The following MBOAT4 variants were observed in gnomAD, a reference collection of about 807,000 sequenced individuals.
MBOAT4 encodes membrane-bound ghrelin O-acyltransferase MBOAT4.
A neutral mutation model predicts 13.2 loss-of-function variants in MBOAT4; 11 were observed. The observed-to-expected ratio is 0.84, with a 90% CI of 0.53 to 1.38. The LOEUF is 1.38. Ranked by LOEUF, MBOAT4 falls within the 40% of genes most tolerant of loss-of-function variation. The pLI is 0.00. For synonymous variants in MBOAT4, 202 were observed against 210.3 expected (o/e 0.96, Z 0.34); for missense variants, 481 against 527.2 (o/e 0.91, Z 0.86).
intron 2 of MBOAT4, chr8:30,138,091 G>A (rs762264326): frequency 3.0e-4 from 50 of 169,334 alleles, no homozygotes; most frequent in Non-Finnish European, 4.9e-4. Flanking sequence ...CCAACCAAGC[G>A]GCACTGTCAA....
At chr8:30,137,153 G>A in intron 2 of MBOAT4, 3 of 792,196 alleles carry the variant, frequency 3.8e-6, no homozygotes, top group Non-Finnish European at 6.2e-6. Context: ...TCACCAGAGA[G>A]AGCCAGGAAC....
intron 1 of MBOAT4, among the ~76,000 whole-genome samples, chr8:30,140,362 A>G (rs542660334): frequency 6.6e-6 from 1 of 152,214 alleles, no homozygotes; most frequent in South Asian, 2.1e-4. Flanking sequence ...TGCTGGGGTT[A>G]CAGGCATAAG....
At position 30,132,420 on chromosome 8, in the gene MBOAT4, C is replaced by T; in HGVS notation, c.831G>A (p.Gln277=). 1 of 1,551,746 alleles carries T rather than the reference C, an allele frequency of 6.4e-7. No individual in the cohort carries two copies. The highest frequency in any genetic ancestry group is 1.2e-5 in the South Asian group (1 of 84,062). The change falls in exon 3 of 3, where the codon CAG becomes CAA. Residue 277 remains glutamine, a synonymous_variant. Transcript: ENST00000320542. ...GGACATATCCCTCCTCTCCAGGGCTCTGACCAAGCTCAGGCCCAAAGCCCG... is the reference window on the plus strand; with the variant it reads ...GGACATATCCCTCCTCTCCAGGGCTTTGACCAAGCTCAGGCCCAAAGCCCG... The part of the protein sequence containing the change: ...HAAGFGPELG[Q]SPGEEGYVPD...
At chr8:30,135,865 G>A (rs1415823895) in intron 2 of MBOAT4, among the ~76,000 whole-genome samples, 1 of 148,408 alleles carries the variant, frequency 6.7e-6, no homozygotes, top group African/African-American at 2.5e-5. Context: ...AGTGAGCCAT[G>A]AGCATGCCAC....
chr8:30,139,575 A>G (rs972845923), intron 1 of MBOAT4, among the ~76,000 whole-genome samples: 1 of 152,222 alleles, frequency 6.6e-6, no homozygotes, highest in Non-Finnish European at 1.5e-5. Flanking sequence ...GAAAACTCAG[A>G]AAAATCTTTA....
intron 2 of MBOAT4, among the ~76,000 whole-genome samples, chr8:30,136,521 C>G (rs1803143827): frequency 6.6e-6 from 1 of 152,156 alleles, no homozygotes; most frequent in Non-Finnish European, 1.5e-5. Flanking sequence ...AGCAGAGCCC[C>G]CCATTCCAGG....
chr8:30,133,029 T>G, intron 2 of MBOAT4, 123 bp from the exon 3 acceptor site: 1 of 806,940 alleles, frequency 1.2e-6, no homozygotes. Flanking sequence ...ATTAATCTCA[T>G]GGCCTGCAGG....
chr8:30,143,642 A>G (rs1303393724), intron 1 of MBOAT4, among the ~76,000 whole-genome samples: 1 of 152,178 alleles, frequency 6.6e-6, no homozygotes, highest in African/African-American at 2.4e-5. Context: ...CTCTAGTGAT[A>G]ATTTTTGAAC....
At chr8:30,138,062 C>G (rs1028975174) in intron 2 of MBOAT4, 1 of 172,800 alleles carries the variant, frequency 5.8e-6, no homozygotes, top group African/African-American at 2.4e-5. Context: ...TTCTGACTCC[C>G]TATGATTTCA....
chr8:30,142,192 AT>A (rs1340837860), intron 1 of MBOAT4, among the ~76,000 whole-genome samples: 1 of 152,150 alleles, frequency 6.6e-6, no homozygotes, highest in Non-Finnish European at 1.5e-5. Context: ...CGAGAAATAT[AT>A]TTATTTAATA....
intron 1 of MBOAT4, among the ~76,000 whole-genome samples, chr8:30,143,167 A>G (rs1480381448): frequency 6.6e-6 from 1 of 152,062 alleles, no homozygotes; most frequent in Non-Finnish European, 1.5e-5. Flanking sequence ...CTAAAATAAA[A>G]ATTGGAATTA....
At position 30,132,796 on chromosome 8, in the gene MBOAT4, C is replaced by T. The variant is rs139450783; in HGVS notation, c.455G>A (p.Arg152Lys). 1 of 1,551,636 alleles carries T rather than the reference C, an allele frequency of 6.4e-7. No homozygotes were observed. Among genetic ancestry groups the T allele is most frequent in the African/African-American group, 1.4e-5 (1 of 73,048 alleles). The change falls in exon 3 of 3, where the codon AGG becomes AAG. Residue 152 changes from arginine to lysine, a missense_variant. Transcript: ENST00000320542. ...VKAASGGFRS[R>K]SSLSEHVCKA... Reference sequence around the variant, plus strand: ...ACACACATGCTCAGACAAAGAGCTCCTGCTCCTGAAGCCTCCAGATGCTGC... The same window carrying T: ...ACACACATGCTCAGACAAAGAGCTCTTGCTCCTGAAGCCTCCAGATGCTGC...
intron 2 of MBOAT4, among the ~76,000 whole-genome samples, chr8:30,134,996 C>T (rs1803108346): frequency 6.6e-6 from 1 of 152,154 alleles, no homozygotes. Flanking sequence ...CCTCCCACCT[C>T]TCCCTCCTGA....
chr8:30,142,050 C>A (rs1803270006), intron 1 of MBOAT4, among the ~76,000 whole-genome samples: 1 of 152,208 alleles, frequency 6.6e-6, no homozygotes, highest in African/African-American at 2.4e-5. Flanking sequence ...CACTCCCACC[C>A]ACAGGCAACT....
chr8:30,139,745 G>A (rs1328023926), intron 1 of MBOAT4, among the ~76,000 whole-genome samples: 1 of 152,086 alleles, frequency 6.6e-6, no homozygotes, highest in African/African-American at 2.4e-5. Flanking sequence ...GATCACTTGA[G>A]GCCAGAGTTT....
At chr8:30,144,395 C>G in intron 1 of MBOAT4, 88 bp downstream of exon 1, 2 of 963,166 alleles carry the variant, frequency 2.1e-6, no homozygotes, top group South Asian at 1.6e-5. Flanking sequence ...CTCAGCCTCC[C>G]AAATTGCAGG....
chr8:30,137,355 A>G, intron 2 of MBOAT4: 1 of 1,551,682 alleles, frequency 6.4e-7, no homozygotes, highest in Non-Finnish European at 8.7e-7. Flanking sequence ...TGCCTCTCCC[A>G]GCAGCCGCCA....
intron 1 of MBOAT4, among the ~76,000 whole-genome samples, chr8:30,140,924 A>AC (rs1163825722): frequency 3.3e-5 from 5 of 151,256 alleles, no homozygotes; most frequent in African/African-American, 7.3e-5. Context: ...TGCAGCCTTG[A>AC]CCCCCCCGGC....
chr8:30,138,064 A>G (rs771477491), intron 2 of MBOAT4: 19 of 171,768 alleles, frequency 1.1e-4, no homozygotes, highest in East Asian at 3.0e-4. Context: ...CTGACTCCCT[A>G]TGATTTCATC....
Sources: allele counts gnomAD v4.1 joint callset (sites outside exome capture counted in the v4.1 genomes callset), GRCh38; gene constraint gnomAD v4.1.1; transcripts MANE v1.5; gene names NCBI Gene and HGNC (gene_info 2026-07-23, HGNC 2026-07-21).